NARS1: variants seen among roughly 807,000 people sequenced by gnomAD.
The protein encoded by NARS1 is asparaginyl-tRNA synthetase 1.
In NARS1, 65 loss-of-function variants were observed where a neutral mutation model predicts 79.2. The ratio of observed to expected loss-of-function variants is 0.82; its 90% CI spans 0.67 to 1.01. NARS1 has a LOEUF of 1.01. Ranked by LOEUF, NARS1 falls within the 50% of genes least tolerant of loss-of-function variation. The pLI is 0.00. For synonymous variants in NARS1, 229 were observed against 238.8 expected (o/e 0.96, Z 0.38); for missense variants, 649 against 673.8 (o/e 0.96, Z 0.41).
At position 57,620,433 on chromosome 18, in the gene NARS1, C is replaced by T. The variant is rs377223778; in HGVS notation, c.93+136G>A. ...AATCTTAAAGTCACATATCTGTATG[C>T]ATTCCTTACTTTCCCTTTTCTGAAA... On this transcript the variant is annotated intron_variant, in intron 2 of 13. Coordinates refer to ENST00000256854, the MANE Select transcript of NARS1 (RefSeq NM_004539.4). The T allele has an allele frequency of 3.1e-4, 192 of 616,388 alleles. 1 individual carries two copies. The African/African-American group carries it at 3.4e-3, about 11-fold the overall frequency. 38.2% of individuals were successfully genotyped at this position (616,388 alleles called of 1,614,324 possible). A position where few individuals can be genotyped will look rare whatever the true frequency, so the allele number is the denominator to read the frequency against.
In NARS1 at chr18:57,602,513, A is replaced by G. The variant is rs200885956; in HGVS notation, c.1384-27T>C. 5.4e-4 allele frequency: 872 copies of G among 1,612,668 alleles called. 7 individuals are homozygous for G. Among genetic ancestry groups the G allele is most frequent in the South Asian group, 4.6e-3 (416 of 90,936 alleles). ...TTTAAATATAAGTGAAAGAAGATAC[A>G]CAATTACTATCAAGCGATCAGACAC... On this transcript the variant is annotated intron_variant, in intron 12 of 13. Coordinates refer to ENST00000256854, the MANE Select transcript of NARS1 (RefSeq NM_004539.4).
In NARS1 at chr18:57,602,398, C is replaced by G. The variant is rs773542351; in HGVS notation, c.1472G>C (p.Arg491Thr). 21 of 1,613,786 alleles carry G rather than the reference C, an allele frequency of 1.3e-5. No homozygotes were observed. Among genetic ancestry groups the G allele is most frequent in the Non-Finnish European group, 1.3e-5 (15 of 1,179,868 alleles). Residue 491 changes from arginine (R) to threonine (T), a missense_variant, in exon 13 of 14, where the codon AGG becomes ACG. Transcript: ENST00000256854. ...DSEEILAGYK[R>T]EGIDPTPYYW... is the part of the protein sequence containing the mutation. ...ATAGGGAGTGGGGTCAATCCCTTCC[C>G]TTTTATAACCTGCCAGTATTTCTTC...
At chr18:57,608,761 GAAGGATACAAA>G (rs1333362100) in intron 7 of NARS1, among the ~76,000 whole-genome samples, 1 of 152,218 alleles carries the variant, frequency 6.6e-6, no homozygotes, top group Non-Finnish European at 1.5e-5. Flanking sequence ...TGATTGGAAT[GAAGGATACAAA>G]GTATTTTCTG....
rs776872589 is a variant in NARS1, at chr18:57,607,505, T to G, written c.740A>C (p.Lys247Thr). 1.9e-6 allele frequency: 3 copies of G among 1,613,996 alleles called. No individual in the cohort carries two copies. The African/African-American group carries it at 4.0e-5, about 22-fold the overall frequency. The stretch of plus-strand genomic sequence containing the variant: ...GCACCTGGTGACCATGGATCGTGCT[T>G]TTAGGATTTTGGACATGTTTTCTCC... ...IRGENMSKIL[K>T]ARSMVTRCFR... Residue 247 changes from lysine to threonine, a missense_variant, in exon 8 of 14, where the codon AAA (lysine) becomes ACA (threonine). By Grantham distance (78) the Lys-to-Thr change is moderately conservative. Transcript: ENST00000256854.
chr18:57,616,918 C>T (rs1253067904), intron 2 of NARS1, among the ~76,000 whole-genome samples: 3 of 127,902 alleles, frequency 2.3e-5, no homozygotes, highest in Middle Eastern at 6.5e-3. Context: ...CACTGCACTC[C>T]AGCCTGGGCG....
Position 57,606,711 on chromosome 18 carries a change from CAA to C in NARS1, c.1040_1041del (p.Phe347Ter). The C allele has an allele frequency of 6.2e-7, 1 of 1,614,130 alleles. No homozygotes were observed. Among genetic ancestry groups the C allele is most frequent in the Non-Finnish European group, 8.5e-7 (1 of 1,180,026 alleles). On this transcript the variant is annotated frameshift_variant, in exon 10 of 14. Transcript: ENST00000256854. LOFTEE classifies it high-confidence loss of function. ...TCCTCCAACCGGTTCAGGAGGTCGT[CAA>C]AAGTCAGGAAAGGACACTCAGCTTC... ...HVEAECPFLT[F>X]DDLLNRLEDL...
At position 57,602,422 on chromosome 18, in the gene NARS1, T is replaced by C. The variant is rs1324269568; in HGVS notation, c.1448A>G (p.Glu483Gly). ...VGGSMRIFDSEEILAGYKREG... is the reference protein window; with the variant it reads ...VGGSMRIFDSGEILAGYKREG... The stretch of plus-strand genomic sequence containing the variant: ...CCTTTTATAACCTGCCAGTATTTCT[T>C]CACTATCAAAGATACGCATTGAGCC... The change falls in exon 13 of 14, where the codon GAA becomes GGA. Residue 483 changes from glutamate (E) to glycine (G), a missense_variant. Coordinates refer to ENST00000256854, the MANE Select transcript of NARS1 (RefSeq NM_004539.4). 6.2e-7 allele frequency: 1 copy of C among 1,613,968 alleles called. No homozygotes were observed. Among genetic ancestry groups the C allele is most frequent in the East Asian group, 2.2e-5 (1 of 44,874 alleles).
At chr18:57,604,391 A>C (rs906856018) in intron 11 of NARS1, among the ~76,000 whole-genome samples, 1 of 142,690 alleles carries the variant, frequency 7.0e-6, no homozygotes, top group Non-Finnish European at 1.5e-5. Context: ...CCATCTCTTT[A>C]AAAAAAAAAA....
chr18:57,604,004 ATT>A (rs2051532595), intron 11 of NARS1, among the ~76,000 whole-genome samples: 3 of 152,210 alleles, frequency 2.0e-5, no homozygotes, highest in South Asian at 2.1e-4. Flanking sequence ...CTGCCTAGGC[ATT>A]TAGCTCCGGT....
chr18:57,615,820 T>C lies in NARS1; in HGVS notation c.249A>G (p.Lys83=), dbSNP rs772703995. 3 of 1,612,070 alleles carry C rather than the reference T, an allele frequency of 1.9e-6. No individual in the cohort carries two copies. Among genetic ancestry groups the C allele is most frequent in the Non-Finnish European group, 2.5e-6 (3 of 1,179,452 alleles). ...CGATGGCAAGGTCAGGACTCACCTCTTTCTTTTCCCGGGATTCACTCTTCA... is the reference window on the plus strand; with the variant it reads ...CGATGGCAAGGTCAGGACTCACCTCCTTCTTTTCCCGGGATTCACTCTTCA... ...EQMKSESREK[K]EAEDSLRREK... Residue 83 remains lysine (K), a synonymous_variant, in exon 3 of 14, where the codon AAA becomes AAG. Transcript: ENST00000256854.
At chr18:57,615,783 T>C (rs777752265) in intron 3 of NARS1, 34 bp downstream of exon 3, 1 of 1,610,950 alleles carries the variant, frequency 6.2e-7, no homozygotes, top group Non-Finnish European at 8.5e-7. Context: ...GTTCTAACTT[T>C]AACAACGTTC....
In NARS1 at chr18:57,611,681, G is replaced by T; in HGVS notation, c.448C>A (p.Arg150=). The T allele has an allele frequency of 6.3e-7, 1 of 1,593,986 alleles. No individual in the cohort carries two copies. Among genetic ancestry groups the T allele is most frequent in the Non-Finnish European group, 8.5e-7 (1 of 1,170,692 alleles). ...QGKNLMFLVL[R]DGTGYLQCVL... ...CACTGAAGATAACCTGTACCATCTC[G>T]CAACACCAGAAACATTAAATTCTTT... Residue 150 remains arginine, a synonymous_variant, in exon 6 of 14, where the codon CGA becomes AGA. Coordinates refer to ENST00000256854, the MANE Select transcript of NARS1 (RefSeq NM_004539.4).
At chr18:57,617,597 G>A (rs1349989240) in intron 2 of NARS1, among the ~76,000 whole-genome samples, 2 of 127,238 alleles carry the variant, frequency 1.6e-5, no homozygotes, top group South Asian at 2.6e-4. Flanking sequence ...AAAAAAAATA[G>A]AGAAGGAAGG....
intron 1 of NARS1, among the ~76,000 whole-genome samples, 176 bp from the exon 2 acceptor site, chr18:57,620,827 T>TA (rs1425469533): frequency 6.6e-6 from 1 of 152,364 alleles, no homozygotes; most frequent in East Asian, 1.9e-4. Context: ...ATCCATCTCA[T>TA]AAAAACATTA....
rs576540560 is a variant in NARS1 at position 57,615,661 on chromosome 18, T to C, written c.322A>G (p.Ser108Gly). The C allele has an allele frequency of 5.6e-6, 9 of 1,612,414 alleles. No individual in the cohort carries two copies. The highest frequency in any genetic ancestry group is 1.1e-5 in the South Asian group (1 of 90,802). ...CTTACACATTTTGGCTCTGGGAGAC[T>C]TGGATCATTTTTAATGGTAATCTTC... ...AKKITIKNDP[S>G]LPEPKCVKIG... Residue 108 changes from serine to glycine, a missense_variant, in exon 4 of 14, where the codon AGT becomes GGT. Physicochemically the swap from Ser to Gly is moderately conservative, Grantham distance 56. Coordinates refer to ENST00000256854, the MANE Select transcript of NARS1 (RefSeq NM_004539.4).
rs1197439928 is a variant in NARS1, at chr18:57,602,456, T to C, written c.1414A>G (p.Ile472Val). ...AAGATACGCATTGAGCCTCCCACAA[T>C]CTCACCAACATTGGGCATCAACACG... ...VDVLMPNVGE[I>V]VGGSMRIFDS... Residue 472 changes from isoleucine (I) to valine (V), a missense_variant, in exon 13 of 14, where the codon ATT (isoleucine) becomes GTT (valine). Coordinates refer to ENST00000256854, the MANE Select transcript of NARS1 (RefSeq NM_004539.4). 1 of 1,613,836 alleles carries C rather than the reference T, an allele frequency of 6.2e-7. No individual in the cohort carries two copies.
intron 2 of NARS1, among the ~76,000 whole-genome samples, chr18:57,616,959 A>C (rs1179013155): frequency 1.4e-5 from 2 of 146,054 alleles, no homozygotes; most frequent in Non-Finnish European, 3.1e-5. Context: ...AAAAAAAAAA[A>C]AAAAAAAAAA....
chr18:57,618,883 C>T (rs990002315), intron 2 of NARS1, among the ~76,000 whole-genome samples: 2 of 152,050 alleles, frequency 1.3e-5, no homozygotes, highest in Admixed American at 6.6e-5. Context: ...GCCTGGGCAA[C>T]AAATTAAGAT....
At chr18:57,611,613 G>GC in intron 6 of NARS1, 24 bp downstream of exon 6, 1 of 1,500,266 alleles carries the variant, frequency 6.7e-7, no homozygotes, top group Non-Finnish European at 9.1e-7. Flanking sequence ...TAATTTTCAG[G>GC]CATAAATAAG....
Sources: gnomAD v4.1 joint callset for allele counts (sites outside exome capture counted in the v4.1 genomes callset) on GRCh38, gnomAD v4.1.1 for gene constraint, MANE v1.5 for transcripts, NCBI Gene and HGNC (gene_info 2026-07-23, HGNC 2026-07-21) for gene names.